ZNF420: variants seen among roughly 807,000 people sequenced by gnomAD.
The protein encoded by ZNF420 is ATM and p53-associated KZNF protein.
Under a neutral mutation model 44.7 loss-of-function variants are expected in ZNF420, and 31 were observed. The observed-to-expected ratio is 0.69, with a 90% confidence interval of 0.52 to 0.94. ZNF420 has a LOEUF of 0.94. Ranked by LOEUF, ZNF420 falls within the 40% of genes least tolerant of loss-of-function variation. The pLI, the probability that ZNF420 is intolerant of heterozygous loss-of-function variation, is 0.00. For missense variants in ZNF420, 681 were observed against 827.9 expected (o/e 0.82, Z 2.18); for synonymous variants, 245 against 267.4 (o/e 0.92, Z 0.82).
intron 2 of ZNF420, among the ~76,000 whole-genome samples, chr19:37,085,579 T>C (rs887968847): frequency 2.6e-5 from 4 of 152,192 alleles, no homozygotes; most frequent in African/African-American, 4.8e-5. Flanking sequence ...CATGCTGTTA[T>C]GCGTGTTTAC....
intron 1 of ZNF420, among the ~76,000 whole-genome samples, chr19:37,026,189 G>A (rs1031826186): frequency 6.6e-6 from 1 of 151,526 alleles, no homozygotes; most frequent in African/African-American, 2.4e-5. Context: ...GGGTTGGGGG[G>A]TGACACATCC....
chr19:37,020,309 A>G (rs1167422616), intron 1 of ZNF420, among the ~76,000 whole-genome samples: 1 of 152,048 alleles, frequency 6.6e-6, no homozygotes, highest in African/African-American at 2.4e-5. Flanking sequence ...CAGCATGACC[A>G]TAAAGGACAA....
chr19:37,049,956 C>T lies in ZNF420; in HGVS notation c.-124-30389C>T, dbSNP rs565380389. ...TATGGCTAGCCAGTTTTCCCAGCAC[C>T]ATTTATTAAATAGGGAATCCTTTCC... On this transcript the variant is annotated intron_variant, in intron 1 of 4. Transcript: ENST00000587029. Among the ~76,000 whole-genome samples, 246 of 152,288 alleles carry T rather than the reference C, an allele frequency of 1.6e-3. 2 individuals are homozygous for T. Among genetic ancestry groups the T allele is most frequent in the Admixed American group, 4.4e-3 (67 of 15,298 alleles).
chr19:37,018,964 A>G (rs184099312), intron 1 of ZNF420, among the ~76,000 whole-genome samples: 27 of 152,344 alleles, frequency 1.8e-4, no homozygotes, highest in African/African-American at 6.3e-4. Flanking sequence ...TGCATTTGGT[A>G]ATTTTTTTTG....
At chr19:37,022,308 CTA>C (rs1199194001) in intron 1 of ZNF420, among the ~76,000 whole-genome samples, 1 of 151,510 alleles carries the variant, frequency 6.6e-6, no homozygotes, top group African/African-American at 2.4e-5. Flanking sequence ...AAATTGCAAA[CTA>C]GATAATATTT....
At chr19:37,012,924 G>C (rs1350432362) in intron 1 of ZNF420, among the ~76,000 whole-genome samples, 1 of 152,014 alleles carries the variant, frequency 6.6e-6, no homozygotes, top group Non-Finnish European at 1.5e-5. Context: ...TTGTGCACCG[G>C]AGTGCTGTTT....
upstream of ZNF420, among the ~76,000 whole-genome samples, chr19:37,074,351 A>AAT (rs1161140177): frequency 6.6e-6 from 1 of 152,202 alleles, no homozygotes; most frequent in African/African-American, 2.4e-5. Context: ...TTTCTTGCCA[A>AAT]ATATATTTAA....
chr19:37,070,175 A>G (rs1968033368), intron 1 of ZNF420, among the ~76,000 whole-genome samples: 1 of 152,134 alleles, frequency 6.6e-6, no homozygotes, highest in South Asian at 2.1e-4. Context: ...ACTACTGATA[A>G]GTGAAAAAGT....
chr19:37,030,285 C>A (rs925079702), intron 1 of ZNF420, among the ~76,000 whole-genome samples: 1 of 152,084 alleles, frequency 6.6e-6, no homozygotes, highest in African/African-American at 2.4e-5. Flanking sequence ...CCTCAGCCTC[C>A]CGAGTAGCTG....
chr19:37,124,203 T>A (rs1971220312), intron 4 of ZNF420, among the ~76,000 whole-genome samples: 1 of 152,236 alleles, frequency 6.6e-6, no homozygotes, highest in African/African-American at 2.4e-5. Context: ...ATGGCTTTTC[T>A]CACTTAGCAA....
rs117429544 is a variant in ZNF420 at position 37,041,910 on chromosome 19, A to G, written c.-125+33828A>G. On this transcript the variant is annotated intron_variant, in intron 1 of 4. Coordinates refer to the ZNF420 transcript ENST00000587029. ...ATTTCTTTGCTAAATTCAACTGTCA[A>G]TATACATTTATTAACCTGATCACTT... 6.2e-3 allele frequency among the ~76,000 whole-genome samples: 943 copies of G among 152,318 alleles called. 28 individuals carry two copies. Among genetic ancestry groups the G allele is most frequent in the East Asian group, 0.05 (257 of 5,188 alleles).
chr19:37,058,675 C>A (rs1967803691), intron 1 of ZNF420, among the ~76,000 whole-genome samples: 1 of 147,636 alleles, frequency 6.8e-6, no homozygotes, highest in Non-Finnish European at 1.5e-5. Context: ...TTGGCGTTGA[C>A]TGGGAGGTCA....
chr19:37,125,505 G>A (rs1376882660), intron 4 of ZNF420, among the ~76,000 whole-genome samples: 1 of 152,188 alleles, frequency 6.6e-6, no homozygotes, highest in African/African-American at 2.4e-5. Flanking sequence ...CACTAGGGTG[G>A]TATGAAGGGT....
At chr19:37,123,412 C>T (rs1971162029) in intron 4 of ZNF420, among the ~76,000 whole-genome samples, 1 of 151,834 alleles carries the variant, frequency 6.6e-6, no homozygotes, top group South Asian at 2.1e-4. Context: ...ATTTCTAATC[C>T]CTGCCCTTTT....
At chr19:37,069,386 A>C (rs1244939985) in intron 1 of ZNF420, among the ~76,000 whole-genome samples, 2 of 152,190 alleles carry the variant, frequency 1.3e-5, no homozygotes, top group African/African-American at 4.8e-5. Flanking sequence ...AAAGTATTTA[A>C]AACTGAATGA....
chr19:37,052,662 T>C (rs573178168), intron 1 of ZNF420, among the ~76,000 whole-genome samples: 2 of 152,358 alleles, frequency 1.3e-5, no homozygotes, highest in East Asian at 3.9e-4. Flanking sequence ...TTGGAAATTC[T>C]TTTCTTTAAG....
chr19:37,061,014 G>A (rs1028520601), intron 1 of ZNF420, among the ~76,000 whole-genome samples: 5 of 152,088 alleles, frequency 3.3e-5, no homozygotes, highest in African/African-American at 1.2e-4. Context: ...TTGTGGCTTG[G>A]ACTCACGCAC....
chr19:37,104,144 G>A (rs1442916603), intron 4 of ZNF420, among the ~76,000 whole-genome samples: 3 of 45,722 alleles, frequency 6.6e-5, no homozygotes, highest in African/African-American at 1.7e-4. Flanking sequence ...CCCCTCCCCC[G>A]ACCCCACAAC....
At chr19:37,080,856 C>T (rs73625243) in intron 2 of ZNF420, among the ~76,000 whole-genome samples, 1,978 of 151,690 alleles carry the variant, frequency 0.013, 45 homozygotes, top group African/African-American at 0.045. Flanking sequence ...AGATCGAAAC[C>T]ATCCTGGAAA....
Sources: gnomAD v4.1 joint callset for allele counts (sites outside exome capture counted in the v4.1 genomes callset) on GRCh38, gnomAD v4.1.1 for gene constraint, MANE v1.5 for transcripts, NCBI Gene and HGNC (gene_info 2026-07-23, HGNC 2026-07-21) for gene names.